The following ZNF44 variants were observed in gnomAD, a reference collection of about 807,000 sequenced individuals.
ZNF44 encodes gonadotropin inducible transcription repressor-2.
Under a neutral mutation model 11.7 loss-of-function variants are expected in ZNF44, and 9 were observed. The observed-to-expected ratio is 0.77, with a 90% CI of 0.46 to 1.35. ZNF44 has a LOEUF of 1.35. Ranked by LOEUF, ZNF44 falls within the 40% of genes most tolerant of loss-of-function variation. ZNF44 has a pLI of 0.00. For synonymous variants in ZNF44, 224 were observed against 242.7 expected, an observed-to-expected ratio of 0.92 and a Z score of 0.72; for missense variants, 696 against 743.1, an observed-to-expected ratio of 0.94 and a Z score of 0.74.
chr19:12,292,460 T>A (rs886112264), intron 1 of ZNF44, among the ~76,000 whole-genome samples: 2 of 152,112 alleles, frequency 1.3e-5, no homozygotes, highest in Non-Finnish European at 2.9e-5. Flanking sequence ...AATAAAAAAT[T>A]AAATTGGAAA....
chr19:12,271,833 TTAATC>T lies in ZNF44; in HGVS notation c.*569_*573del, dbSNP rs1340827757. 1 of 152,178 alleles carries T rather than the reference TTAATC, an allele frequency of 6.6e-6. No individual in the cohort carries two copies. Among genetic ancestry groups the T allele is most frequent in the African/African-American group, 2.4e-5 (1 of 41,426 alleles). The allele number at this position is 152,178 out of a possible 1,614,324, so 9.4% of individuals were successfully genotyped here. A position where few individuals can be genotyped will look rare whatever the true frequency, so the allele number is the denominator to read the frequency against. On this transcript the variant is annotated 3_prime_UTR_variant, in exon 4 of 4. Transcript: ENST00000355684. ...TTTTACAATGCATGAGATATTTTAATTAATCTAGACATTTATAGAGTATACAGGAG... is the reference window on the plus strand; with the variant it reads ...TTTTACAATGCATGAGATATTTTAATTAGACATTTATAGAGTATACAGGAG...
chr19:12,270,452 C>CT (rs913439315), downstream of ZNF44, among the ~76,000 whole-genome samples: 25 of 147,152 alleles, frequency 1.7e-4, no homozygotes, highest in South Asian at 4.3e-4. Flanking sequence ...CCCATTTCAA[C>CT]TTTTTTTTTT....
At position 12,253,187 on chromosome 19, in the gene ZNF44, C is replaced by CTTT. The variant is rs763591024; in HGVS notation, c.1913-2822_1913-2820dup. ...TACAGGCGTAAGCCACTGCACCTGGCTTTTTTTTTTTTTTTTTTTTGAGAC... is the reference window on the plus strand; with the variant it reads ...TACAGGCGTAAGCCACTGCACCTGGCTTTTTTTTTTTTTTTTTTTTTTTGAGAC... On this transcript the variant is annotated intron_variant and NMD_transcript_variant, in intron 5 of 7. Transcript: ENST00000393337. 3.9e-4 allele frequency among the ~76,000 whole-genome samples: 43 copies of CTTT among 110,240 alleles called. 1 individual carries two copies. Among genetic ancestry groups the CTTT allele is most frequent in the African/African-American group, 8.5e-4 (24 of 28,242 alleles). 72.3% of individuals were successfully genotyped at this position (110,240 alleles called of 152,430 possible).
At chr19:12,226,814 C>G (rs1052597019) in intron 3 of ZNF44, among the ~76,000 whole-genome samples, 2 of 152,118 alleles carry the variant, frequency 1.3e-5, no homozygotes, top group Non-Finnish European at 2.9e-5. Flanking sequence ...CATCTGTAAT[C>G]CCAGCACTTT....
downstream of ZNF44, among the ~76,000 whole-genome samples, chr19:12,245,119 T>A (rs1409738255): frequency 6.6e-6 from 1 of 152,144 alleles, no homozygotes; most frequent in Non-Finnish European, 1.5e-5. Flanking sequence ...TTTTAAAAAA[T>A]TTTTTCCTTT....
chr19:12,247,197 C>G, downstream of ZNF44: 2 of 814,444 alleles, frequency 2.5e-6, no homozygotes, highest in Non-Finnish European at 3.3e-6. Context: ...ATTCATGCAA[C>G]TACCCTCCAG....
At chr19:12,290,609 A>G (rs1967970936) in intron 1 of ZNF44, among the ~76,000 whole-genome samples, 1 of 152,114 alleles carries the variant, frequency 6.6e-6, no homozygotes, top group South Asian at 2.1e-4. Context: ...CTGAGGCAGG[A>G]GAATCGCTTG....
rs556674530 is a variant in ZNF44 at position 12,273,213 on chromosome 19, A to G, written c.1042T>C (p.Phe348Leu). The G allele has an allele frequency of 1.9e-6, 3 of 1,614,028 alleles. No individual in the cohort carries two copies. The Admixed American group carries it at 5.0e-5, about 27-fold the overall frequency. ...TCATGAATTCGTGCTGAACCAGGAA[A>G]ATCAAAGCCTTTCCCACATATCTTA... ...KCKICGKGFD[F>L]PGSARIHEGT... is the part of the protein sequence containing the mutation. The change falls in exon 4 of 4, where the codon TTT becomes CTT. Residue 348 changes from phenylalanine (F) to leucine (L), a missense_variant. By Grantham distance (22) the Phe-to-Leu change is conservative (BLOSUM62 0). Transcript: ENST00000355684.
chr19:12,275,087 ATTG>A (rs1394134100), intron 2 of ZNF44, 54 bp from the exon 3 acceptor site: 2 of 1,359,202 alleles, frequency 1.5e-6, no homozygotes, highest in Admixed American at 2.4e-5. Flanking sequence ...TGATACAAAA[ATTG>A]TTAAGATTTT....
intron 1 of ZNF44, among the ~76,000 whole-genome samples, chr19:12,283,048 G>A (rs1372435330): frequency 6.6e-6 from 1 of 152,070 alleles, no homozygotes; most frequent in Admixed American, 6.6e-5. Flanking sequence ...ATCAATTTTG[G>A]AACACATCCA....
intron 5 of ZNF44, among the ~76,000 whole-genome samples, chr19:12,251,419 G>T (rs906374029): frequency 6.6e-6 from 1 of 151,930 alleles, no homozygotes; most frequent in African/African-American, 2.4e-5. Context: ...GCTTGAGCCT[G>T]GGAGGCAGAG....
chr19:12,290,387 G>A (rs537169347), intron 1 of ZNF44, among the ~76,000 whole-genome samples: 5 of 136,010 alleles, frequency 3.7e-5, no homozygotes, highest in South Asian at 4.8e-4. Context: ...GTGAAACTCC[G>A]TCTTAAACAA....
upstream of ZNF44, among the ~76,000 whole-genome samples, chr19:12,242,498 A>T (rs1385544494): frequency 2.1e-5 from 3 of 146,332 alleles, no homozygotes; most frequent in Non-Finnish European, 4.5e-5. Flanking sequence ...TGACAGAGCG[A>T]GACTCCGGCT....
intron 5 of ZNF44, chr19:12,266,419 GA>G (rs929899846): frequency 3.3e-5 from 29 of 868,154 alleles, no homozygotes; most frequent in East Asian, 2.4e-4. Context: ...AGGCGAGAGG[GA>G]AAAAAAACCC....
At chr19:12,259,561 C>G (rs1457694372) in intron 5 of ZNF44, among the ~76,000 whole-genome samples, 2 of 152,064 alleles carry the variant, frequency 1.3e-5, no homozygotes, top group Non-Finnish European at 2.9e-5. Flanking sequence ...CCTTCCCTTC[C>G]CTGCTTTGTT....
At chr19:12,259,916 A>G (rs1477338667) in intron 5 of ZNF44, among the ~76,000 whole-genome samples, 2 of 152,188 alleles carry the variant, frequency 1.3e-5, no homozygotes, top group Admixed American at 6.6e-5. Context: ...TCAGTCCATC[A>G]TCTAATGGCT....
chr19:12,244,399 A>T (rs550139133), downstream of ZNF44, among the ~76,000 whole-genome samples: 1 of 152,214 alleles, frequency 6.6e-6, no homozygotes, highest in Non-Finnish European at 1.5e-5. Context: ...GGCTTTGATT[A>T]GCCTTTATCA....
intron 5 of ZNF44, chr19:12,266,134 AG>A (rs1917718050): frequency 1.9e-6 from 1 of 521,356 alleles, no homozygotes; most frequent in South Asian, 8.1e-5. Context: ...CCTGCGGCCA[AG>A]GGGACCGAGG....
intron 1 of ZNF44, among the ~76,000 whole-genome samples, chr19:12,291,803 C>T (rs987770018): frequency 6.6e-6 from 1 of 151,750 alleles, no homozygotes; most frequent in African/African-American, 2.4e-5. Context: ...ACCAGCCTGG[C>T]CAGCAAGGTG....
Sources: gnomAD v4.1 joint callset for allele counts (sites outside exome capture counted in the v4.1 genomes callset) on GRCh38, gnomAD v4.1.1 for gene constraint, MANE v1.5 for transcripts, NCBI Gene and HGNC (gene_info 2026-07-23, HGNC 2026-07-21) for gene names.